The following VIM variants were observed in gnomAD, a reference collection of about 807,000 sequenced individuals.
VIM encodes epididymis secretory sperm binding protein.
VIM carries 18 observed loss-of-function variants against 50.3 expected under a neutral mutation model. That is an observed-to-expected ratio of 0.36 (90% CI 0.25 to 0.53). VIM has a LOEUF of 0.53. Among genes scored for constraint, VIM ranks in the 20% least tolerant of loss-of-function variants. The probability of loss-of-function intolerance (pLI) is 0.91; values close to 1 mark genes in which losing one functional copy is unlikely to be tolerated. For synonymous variants in VIM, 245 were observed against 248.5 expected (o/e 0.99, Z 0.13); for missense variants, 551 against 614.7 (o/e 0.90, Z 1.10).
At chr10:17,237,190 A>G (rs1477719340) in intron 9 of VIM, 40 bp from the exon 10 acceptor site, 3 of 1,542,038 alleles carry the variant, frequency 1.9e-6, no homozygotes, top group Non-Finnish European at 2.7e-6. Context: ...AGTCTTTGGC[A>G]TGTGGCATTA....
At chr10:17,230,842 C>T (rs1846778498) in intron 3 of VIM, 132 bp downstream of exon 3, 4 of 937,594 alleles carry the variant, frequency 4.3e-6, no homozygotes, top group African/African-American at 3.3e-5. Flanking sequence ...CCTCTAGTGG[C>T]GGGAAGACCA....
chr10:17,234,136 G>T, intron 5 of VIM: 1 of 608,512 alleles, frequency 1.6e-6, no homozygotes, highest in South Asian at 2.1e-5. Context: ...TTATTTATGA[G>T]ACAGAGTCTT....
rs11545553 is a variant in VIM, at chr10:17,229,571, G to A, written c.149G>A (p.Arg50His). The change falls in exon 2 of 10, where the codon CGC (arginine) becomes CAC (histidine). Residue 50 changes from arginine to histidine, a missense_variant. By Grantham distance (29) the Arg-to-His change is conservative (BLOSUM62 0). Around this residue, in one of 3 missense-constraint regions of VIM, gnomAD observed 134 missense variants for 126.4 expected, o/e 1.06. Coordinates refer to ENST00000544301, the MANE Select transcript of VIM (RefSeq NM_003380.5). ...LGSALRPSTS[R>H]SLYASSPGGV... ...AGCGCGCTGCGCCCCAGCACCAGCC[G>A]CAGCCTCTACGCCTCGTCCCCGGGC... 8 of 1,608,672 alleles carry A rather than the reference G, an allele frequency of 5.0e-6. No individual in the cohort carries two copies. Among genetic ancestry groups the A allele is most frequent in the Non-Finnish European group, 5.1e-6 (6 of 1,178,564 alleles).
At chr10:17,232,585 T>C (rs1479256605) in intron 3 of VIM, among the ~76,000 whole-genome samples, 1 of 152,144 alleles carries the variant, frequency 6.6e-6, no homozygotes, top group Non-Finnish European at 1.5e-5. Flanking sequence ...AGAAGAAAAA[T>C]CCACCAGAGA....
chr10:17,228,533 C>T lies in VIM; in HGVS notation c.-148+9C>T, dbSNP rs1846719757. ...CGGGACAGCAGGGCGCGGTGAGTCA[C>T]CGCCGGTGACTAAGCGACCCCACCC... On this transcript the variant is annotated intron_variant, in intron 1 of 9. Transcript: ENST00000544301. 6.6e-6 allele frequency: 1 copy of T among 152,354 alleles called. No individual in the cohort carries two copies. The highest frequency in any genetic ancestry group is 1.5e-5 in the Non-Finnish European group (1 of 68,160). The allele number at this position is 152,354 out of a possible 1,614,324, so 9.4% of individuals were successfully genotyped here. A position where few individuals can be genotyped will look rare whatever the true frequency, so the allele number is the denominator to read the frequency against.
In VIM at chr10:17,237,318, A is replaced by G. The variant is rs766176270; in HGVS notation, c.*47A>G. The G allele has an allele frequency of 3.1e-5, 48 of 1,572,114 alleles. No individual in the cohort carries two copies. The highest frequency in any genetic ancestry group is 1.8e-5 in the Non-Finnish European group (21 of 1,151,048). On this transcript the variant is annotated 3_prime_UTR_variant, in exon 10 of 10. Coordinates refer to ENST00000544301, the MANE Select transcript of VIM (RefSeq NM_003380.5). ...GCAATATATTACCAGCAAGAATAAA[A>G]AAGAAATCCATATCTTAAAGAAACA...
Position 17,234,832 on chromosome 10 carries a change from C to CT in VIM, c.1008+15dup. 8 of 1,614,048 alleles carry CT rather than the reference C, an allele frequency of 5.0e-6. No individual in the cohort carries two copies. The highest frequency in any genetic ancestry group is 6.8e-6 in the Non-Finnish European group (8 of 1,180,012). On this transcript the variant is annotated intron_variant, in intron 6 of 9. Transcript: ENST00000544301. ...CTTAAAGGAACCGTGAGTACCAACC[C>CT]TGCAGTAAAAGAGGGAAAATAATGA... is the stretch of plus-strand genomic sequence containing the variant.
At chr10:17,233,748 C>G (rs369156076) in intron 4 of VIM, 22 bp from the exon 5 acceptor site, 12 of 1,614,052 alleles carry the variant, frequency 7.4e-6, no homozygotes, top group Non-Finnish European at 2.5e-6. Context: ...CAGAGCTGAC[C>G]GTCTGTCTGT....
intron 1 of VIM, 143 bp downstream of exon 1, chr10:17,228,667 C>G (rs1846722659): frequency 6.5e-6 from 1 of 152,762 alleles, no homozygotes; most frequent in African/African-American, 2.4e-5. Context: ...CCCAACATCT[C>G]TCCGCCAAGG....
intron 5 of VIM, among the ~76,000 whole-genome samples, chr10:17,234,487 T>G (rs776753099): frequency 1.3e-5 from 2 of 152,180 alleles, no homozygotes; most frequent in Non-Finnish European, 2.9e-5. Context: ...ATGCCATACC[T>G]TTGACCTCCA....
In VIM at chr10:17,229,651, G is replaced by C. The variant is rs184701100; in HGVS notation, c.229G>C (p.Val77Leu). 4 of 1,566,002 alleles carry C rather than the reference G, an allele frequency of 2.6e-6. No homozygotes were observed. The South Asian group carries it at 4.7e-5, about 18-fold the overall frequency. Reference protein sequence around the residue: ...AVRLRSSVPGVRLLQDSVDFS... With the variant: ...AVRLRSSVPGLRLLQDSVDFS... ...GCGCCTGCGGAGCAGCGTGCCCGGG[G>C]TGCGGCTCCTGCAGGACTCGGTGGA... Residue 77 changes from valine to leucine, a missense_variant, in exon 2 of 10, where the codon GTG becomes CTG. Val to Leu is a conservative substitution (Grantham distance 32). Coordinates refer to ENST00000544301, the MANE Select transcript of VIM (RefSeq NM_003380.5).
chr10:17,233,652 G>C lies in VIM; in HGVS notation c.690G>C (p.Glu230Asp), dbSNP rs754196814. 3 of 1,614,208 alleles carry C rather than the reference G, an allele frequency of 1.9e-6. No homozygotes were observed. The highest frequency in any genetic ancestry group is 2.5e-6 in the Non-Finnish European group (3 of 1,180,034). Residue 230 changes from glutamate (E) to aspartate (D), a missense_variant, in exon 4 of 10, where the codon GAG becomes GAC. By Grantham distance (45) the Glu-to-Asp change is conservative. This residue lies in a region of VIM where 394 missense variants were observed against 437.5 expected (regional missense o/e 0.90). Coordinates refer to ENST00000544301, the MANE Select transcript of VIM (RefSeq NM_003380.5). ...GCAAAGTGGAATCTTTGCAAGAAGA[G>C]ATTGCCTTTTTGAAGAAACTCCACG... ...LERKVESLQEEIAFLKKLHEE... is the reference protein window; with the variant it reads ...LERKVESLQEDIAFLKKLHEE...
At chr10:17,237,160 C>G (rs549558071) in intron 9 of VIM, 70 bp from the exon 10 acceptor site, 1 of 1,327,480 alleles carries the variant, frequency 7.5e-7, no homozygotes, top group Admixed American at 2.0e-5. Context: ...TTTTATTTGC[C>G]GTGATATATA....
At chr10:17,230,151 C>T in intron 2 of VIM, 166 bp downstream of exon 2, 1 of 862,496 alleles carries the variant, frequency 1.2e-6, no homozygotes, top group South Asian at 1.8e-5. Flanking sequence ...GTGGCGCAGC[C>T]CCGCCCAGAA....
Position 17,237,265 on chromosome 10 carries a change from T to G in VIM, c.1395T>G (p.Leu465=). The change falls in exon 10 of 10, where the codon CTT becomes CTG. Residue 465 remains leucine (L), a synonymous_variant. Coordinates refer to ENST00000544301, the MANE Select transcript of VIM (RefSeq NM_003380.5). ...INETSQHHDD[L]E ...AAACTTCTCAGCATCACGATGACCT[T>G]GAATAAAAATTGCACACACTCAGTG... 6.2e-7 allele frequency: 1 copy of G among 1,606,724 alleles called. No individual in the cohort carries two copies. Among genetic ancestry groups the G allele is most frequent in the Middle Eastern group, 1.7e-4 (1 of 5,834 alleles).
At chr10:17,231,770 C>T (rs993226292) in intron 3 of VIM, among the ~76,000 whole-genome samples, 2 of 116,596 alleles carry the variant, frequency 1.7e-5, no homozygotes, top group African/African-American at 3.3e-5. Context: ...GGTTTTTGTG[C>T]GTGTTTTTTT....
chr10:17,230,034 G>T, intron 2 of VIM, 49 bp downstream of exon 2: 1 of 1,556,044 alleles, frequency 6.4e-7, no homozygotes, highest in East Asian at 2.3e-5. Context: ...GGGGCTGGAG[G>T]GAGAGGGGAA....
intron 3 of VIM, chr10:17,231,009 C>A (rs1249196042): frequency 2.6e-6 from 1 of 381,192 alleles, no homozygotes; most frequent in Admixed American, 4.0e-5. Flanking sequence ...TTCAAGCGAT[C>A]CTTGAATGAT....
chr10:17,235,842 A>G lies in VIM; in HGVS notation c.1230-4A>G. The G allele has an allele frequency of 6.2e-7, 1 of 1,613,766 alleles. No homozygotes were observed. The highest frequency in any genetic ancestry group is 1.1e-5 in the South Asian group (1 of 91,076). ...TTTTACTGTTTCTCTTCATCTGTTT[A>G]TAGGATTTCTCTGCCTCTTCCAAAC... On this transcript the variant is annotated splice_region_variant and splice_polypyrimidine_tract_variant and intron_variant, in intron 7 of 9. Transcript: ENST00000544301.
Sources: gnomAD v4.1 joint callset for allele counts (sites outside exome capture counted in the v4.1 genomes callset) on GRCh38, gnomAD v4.1.1 for gene constraint, gnomAD v4.1.1 regional missense constraint, MANE v1.5 for transcripts, NCBI Gene and HGNC (gene_info 2026-07-23, HGNC 2026-07-21) for gene names.